ADGRL4: variants seen among roughly 807,000 people sequenced by gnomAD.
The protein encoded by ADGRL4 is EGF, latrophilin and seven transmembrane domain containing 1.
ADGRL4 carries 90 observed loss-of-function variants against 74.8 expected under a neutral mutation model. The ratio of observed to expected loss-of-function variants is 1.20; its 90% CI spans 1.02 to 1.43. ADGRL4 has a LOEUF of 1.43. ADGRL4 is among the 40% of genes most tolerant of loss of function. ADGRL4 has a pLI of 0.00. For missense variants in ADGRL4, 881 were observed against 814.3 expected (o/e 1.08, Z -1.00); for synonymous variants, 311 against 279.2 (o/e 1.11, Z -1.14).
At chr1:78,959,740 T>C (rs1649906901) in intron 2 of ADGRL4, among the ~76,000 whole-genome samples, 1 of 152,200 alleles carries the variant, frequency 6.6e-6, no homozygotes, top group African/African-American at 2.4e-5. Context: ...AAACTGTTGA[T>C]AAAAGTATAC....
chr1:78,898,866 T>A (rs1303678523), intron 12 of ADGRL4, among the ~76,000 whole-genome samples: 1 of 152,170 alleles, frequency 6.6e-6, no homozygotes, highest in Non-Finnish European at 1.5e-5. Flanking sequence ...TGTGTTAAAA[T>A]TTTTTAAGTG....
intron 14 of ADGRL4, 140 bp downstream of exon 14, chr1:78,891,384 C>A: frequency 1.6e-6 from 2 of 1,215,016 alleles, no homozygotes; most frequent in Non-Finnish European, 1.1e-6. Flanking sequence ...CTTTTAAAAG[C>A]ATATTTTCCT....
chr1:78,913,695 T>C (rs1156701153), intron 12 of ADGRL4, among the ~76,000 whole-genome samples: 1 of 151,794 alleles, frequency 6.6e-6, no homozygotes, highest in Non-Finnish European at 1.5e-5. Flanking sequence ...ACTTGCATGA[T>C]GAAATAATCC....
chr1:78,896,046 G>T (rs1479059812), intron 12 of ADGRL4, among the ~76,000 whole-genome samples: 1 of 151,930 alleles, frequency 6.6e-6, no homozygotes, highest in Admixed American at 6.6e-5. Context: ...AATGATTACT[G>T]TGAACAGCAA....
At chr1:78,940,067 C>G (rs1403982565) in intron 3 of ADGRL4, among the ~76,000 whole-genome samples, 5 of 152,086 alleles carry the variant, frequency 3.3e-5, no homozygotes, top group African/African-American at 1.2e-4. Flanking sequence ...TCAACAAAGT[C>G]ATTACAGAAA....
chr1:78,929,159 C>A (rs1649184240), intron 7 of ADGRL4, among the ~76,000 whole-genome samples: 1 of 151,324 alleles, frequency 6.6e-6, no homozygotes, highest in Admixed American at 6.6e-5. Flanking sequence ...GAATCTTGTT[C>A]TATTAATTCT....
intron 2 of ADGRL4, among the ~76,000 whole-genome samples, chr1:78,973,742 C>A (rs1027524920): frequency 6.7e-6 from 1 of 149,014 alleles, no homozygotes; most frequent in Non-Finnish European, 1.5e-5. Context: ...TGCTTATTAT[C>A]CTTCTTAACT....
At chr1:78,946,142 A>T in intron 3 of ADGRL4, 132 bp downstream of exon 3, 1 of 520,812 alleles carries the variant, frequency 1.9e-6, no homozygotes. Context: ...GACATTAATT[A>T]CATTTCTGAA....
intron 2 of ADGRL4, among the ~76,000 whole-genome samples, chr1:78,970,446 T>G (rs1463544368): frequency 6.6e-6 from 1 of 152,154 alleles, no homozygotes; most frequent in East Asian, 1.9e-4. Flanking sequence ...GAGACATAGG[T>G]GAGAGTGGAT....
At chr1:78,964,268 A>G (rs944579516) in intron 2 of ADGRL4, among the ~76,000 whole-genome samples, 2 of 152,230 alleles carry the variant, frequency 1.3e-5, no homozygotes, top group East Asian at 1.9e-4. Flanking sequence ...ACATTTATTT[A>G]TCACTCTAGT....
chr1:78,931,858 G>A (rs1264649054), intron 7 of ADGRL4, among the ~76,000 whole-genome samples: 1 of 151,296 alleles, frequency 6.6e-6, no homozygotes. Context: ...ATGGTAAAGG[G>A]ATCAAGTCAA....
chr1:78,933,465 C>T (rs1649289376), intron 7 of ADGRL4, among the ~76,000 whole-genome samples: 1 of 151,378 alleles, frequency 6.6e-6, no homozygotes, highest in Admixed American at 6.6e-5. Flanking sequence ...AAACCCACAG[C>T]CAATATCATA....
intron 2 of ADGRL4, among the ~76,000 whole-genome samples, chr1:78,955,813 T>C (rs1649817830): frequency 6.6e-6 from 1 of 152,266 alleles, no homozygotes; most frequent in East Asian, 1.9e-4. Context: ...GGTTTACTTA[T>C]GAATGAGACC....
chr1:78,922,264 T>C (rs1319124617), intron 8 of ADGRL4, among the ~76,000 whole-genome samples: 3 of 151,974 alleles, frequency 2.0e-5, no homozygotes, highest in Admixed American at 6.6e-5. Flanking sequence ...GGACGTCTCC[T>C]AGATTATGTC....
chr1:78,984,622 G>T (rs778524940), intron 2 of ADGRL4, among the ~76,000 whole-genome samples: 1 of 151,406 alleles, frequency 6.6e-6, no homozygotes, highest in East Asian at 1.9e-4. Flanking sequence ...AAGTGTAGGA[G>T]GAACAGTAAG....
chr1:78,936,364 G>A lies in ADGRL4; in HGVS notation c.808C>T (p.Pro270Ser). 1 of 1,583,126 alleles carries A rather than the reference G, an allele frequency of 6.3e-7. No homozygotes were observed. Residue 270 changes from proline (P) to serine (S), a missense_variant, in exon 7 of 15, where the codon CCT becomes TCT. Pro to Ser is a moderately conservative substitution (Grantham distance 74, BLOSUM62 -1). Transcript: ENST00000370742. ...FDSYNMKHIH[P>S]HMNMDGDYIN... is the part of the protein sequence containing the mutation. ...TAGTCTCCATCCATATTCATATGAG[G>A]ATGAATATGTTTCATGTTATATGAA...
chr1:78,907,577 C>T (rs1353255736), intron 12 of ADGRL4, among the ~76,000 whole-genome samples: 1 of 151,926 alleles, frequency 6.6e-6, no homozygotes, highest in Non-Finnish European at 1.5e-5. Context: ...AAATGGGCTT[C>T]TATGAAAGCA....
intron 4 of ADGRL4, 71 bp from the exon 5 acceptor site, chr1:78,938,350 C>T (rs897435675): frequency 7.0e-6 from 9 of 1,289,946 alleles, no homozygotes; most frequent in African/African-American, 6.1e-5. Context: ...ATAAAACTTA[C>T]ATGTTAAATT....
intron 12 of ADGRL4, among the ~76,000 whole-genome samples, chr1:78,907,733 G>C (rs984724387): frequency 6.6e-6 from 1 of 151,952 alleles, no homozygotes; most frequent in Admixed American, 6.6e-5. Context: ...TTTTAGGGCA[G>C]AGGTGCTGAG....
Sources: allele counts gnomAD v4.1 joint callset (sites outside exome capture counted in the v4.1 genomes callset), GRCh38; gene constraint gnomAD v4.1.1; transcripts MANE v1.5; gene names NCBI Gene and HGNC (gene_info 2026-07-23, HGNC 2026-07-21).